OTOGL: variants seen among roughly 807,000 people sequenced by gnomAD.
OTOGL encodes the protein otogelin-like protein.
OTOGL carries 285 observed loss-of-function variants against 318.5 expected under a neutral mutation model. The observed-to-expected ratio is 0.89, with a 90% CI of 0.81 to 0.99. The LOEUF is 0.99. OTOGL is among the 50% of genes least tolerant of loss of function. OTOGL has a pLI of 0.00. For synonymous variants in OTOGL, 987 were observed against 936.5 expected (o/e 1.05, Z -0.99); for missense variants, 2,899 against 2,845.6 (o/e 1.02, Z -0.43).
intron 1 of OTOGL, among the ~76,000 whole-genome samples, chr12:80,148,121 G>A (rs562346179): frequency 0.039 from 5,967 of 151,274 alleles, 156 homozygotes; most frequent in South Asian, 0.088. Flanking sequence ...GATTTTGCTC[G>A]TTAGTTGATG....
intron 1 of OTOGL, among the ~76,000 whole-genome samples, chr12:80,125,267 A>G (rs1411547130): frequency 1.3e-5 from 2 of 152,200 alleles, no homozygotes; most frequent in African/African-American, 4.8e-5. Flanking sequence ...AATTTTGTCA[A>G]AGGCCTTTTC....
intron 58 of OTOGL, among the ~76,000 whole-genome samples, 167 bp downstream of exon 58, chr12:80,377,369 G>C (rs1891226443): frequency 6.6e-6 from 1 of 152,118 alleles, no homozygotes. Flanking sequence ...GAAGAAGTAT[G>C]AATTATTCTT....
At chr12:80,292,182 T>G (rs943469723) in intron 26 of OTOGL, among the ~76,000 whole-genome samples, 13 of 152,058 alleles carry the variant, frequency 8.5e-5, no homozygotes, top group African/African-American at 3.1e-4. Context: ...GAGACGGGGT[T>G]TCTCCATGTT....
intron 7 of OTOGL, among the ~76,000 whole-genome samples, chr12:80,228,318 T>C (rs955998957): frequency 1.5e-4 from 23 of 152,124 alleles, no homozygotes; most frequent in East Asian, 7.7e-4. Context: ...GGTACACGCC[T>C]ATAGCCCCAG....
chr12:80,330,347 T>G (rs1887991432), intron 37 of OTOGL, among the ~76,000 whole-genome samples: 1 of 152,086 alleles, frequency 6.6e-6, no homozygotes, highest in Non-Finnish European at 1.5e-5. Flanking sequence ...ACGAGAGAGG[T>G]TTACCCTTCT....
In OTOGL at chr12:80,380,042, G is replaced by C. The variant is rs551222031; in HGVS notation, c.*1994G>C. The C allele has an allele frequency of 2.6e-5, 4 of 152,130 alleles. No individual in the cohort carries two copies. Among genetic ancestry groups the C allele is most frequent in the Admixed American group, 6.5e-5 (1 of 15,274 alleles). The allele number at this position is 152,130 out of a possible 1,614,324, so 9.4% of individuals were successfully genotyped here. On this transcript the variant is annotated 3_prime_UTR_variant, in exon 59 of 59. Transcript: ENST00000547103. ...GAAATCAGTGGAAGAGTGCAAATTA[G>C]CTCTTAATAAATGGTGTTGGGACAA...
At chr12:80,312,393 T>G (rs1886694134) in intron 30 of OTOGL, among the ~76,000 whole-genome samples, 1 of 152,188 alleles carries the variant, frequency 6.6e-6, no homozygotes, top group Non-Finnish European at 1.5e-5. Flanking sequence ...ATATAAATAT[T>G]TTTCAATAAA....
chr12:80,105,220 C>T (rs1179865530), intron 1 of OTOGL, among the ~76,000 whole-genome samples: 1 of 152,056 alleles, frequency 6.6e-6, no homozygotes, highest in Non-Finnish European at 1.5e-5. Flanking sequence ...ATTCTAAGAA[C>T]ATAAACAATA....
chr12:80,305,675 G>C lies in OTOGL; in HGVS notation c.3313G>C (p.Asp1105His). 1 of 1,569,888 alleles carries C rather than the reference G, an allele frequency of 6.4e-7. No homozygotes were observed. Among genetic ancestry groups the C allele is most frequent in the Non-Finnish European group, 8.6e-7 (1 of 1,168,666 alleles). Residue 1105 changes from aspartate to histidine, a missense_variant, in exon 29 of 59, where the codon GAT (aspartate) becomes CAT (histidine). Transcript: ENST00000547103. ...AGTGAGAAATGCTCGGGTATTTGGA[G>C]ATAGTTGGGCATTAGGACAGGTAAG... Reference protein sequence around the residue: ...LEVRNARVFGDSWALGQCESP... With the variant: ...LEVRNARVFGHSWALGQCESP...
intron 26 of OTOGL, among the ~76,000 whole-genome samples, chr12:80,286,021 C>A (rs1344950701): frequency 6.6e-6 from 1 of 152,104 alleles, no homozygotes. Context: ...TCATAAATAG[C>A]ATTTATTATT....
intron 29 of OTOGL, among the ~76,000 whole-genome samples, chr12:80,306,116 G>A (rs564067804): frequency 6.6e-5 from 10 of 152,280 alleles, no homozygotes; most frequent in African/African-American, 2.4e-4. Context: ...CCATGTTACT[G>A]TATTACATGA....
Position 80,313,410 on chromosome 12 carries a change from G to A in OTOGL, c.3451-66G>A. 4.9e-6 allele frequency: 7 copies of A among 1,443,106 alleles called. No individual in the cohort carries two copies. In the South Asian group the frequency reaches 7.3e-5, roughly 15 times the overall value. The allele number at this position is 1,443,106 out of a possible 1,614,324, so 89.4% of individuals were successfully genotyped here. On this transcript the variant is annotated intron_variant, in intron 30 of 58. Transcript: ENST00000547103. ...AACTTTGAAAACACATAGTTTTTTA[G>A]ACGGTTGACTTTAAATCATAATCAG...
chr12:80,111,206 T>C (rs1484287983), intron 1 of OTOGL, among the ~76,000 whole-genome samples: 3 of 152,244 alleles, frequency 2.0e-5, no homozygotes, highest in Non-Finnish European at 4.4e-5. Context: ...GTAGGTTGCC[T>C]GTTCACTCCA....
At position 80,266,586 on chromosome 12, in the gene OTOGL, A is replaced by G; in HGVS notation, c.2360A>G (p.Tyr787Cys). ...TGTAATTGTCCGGAAGGCAAATTCT[A>G]TGAAGACACTCTTAACTTTTGTGTA... is the stretch of plus-strand genomic sequence containing the variant. ...EGCNCPEGKF[Y>C]EDTLNFCVPI... Residue 787 changes from tyrosine to cysteine, a missense_variant, in exon 21 of 59, where the codon TAT (tyrosine) becomes TGT (cysteine). Physicochemically the swap from Tyr to Cys is radical, Grantham distance 194. Transcript: ENST00000547103. 1.9e-6 allele frequency: 3 copies of G among 1,613,536 alleles called. No individual in the cohort carries two copies. The highest frequency in any genetic ancestry group is 2.5e-6 in the Non-Finnish European group (3 of 1,179,718).
chr12:80,349,201 G>A (rs1003167418), intron 44 of OTOGL, among the ~76,000 whole-genome samples: 1 of 152,040 alleles, frequency 6.6e-6, no homozygotes, highest in Non-Finnish European at 1.5e-5. Context: ...GATAAGTTGA[G>A]GCCAGAGATC....
intron 1 of OTOGL, among the ~76,000 whole-genome samples, chr12:80,116,299 G>A (rs975218773): frequency 1.3e-5 from 2 of 151,966 alleles, no homozygotes; most frequent in African/African-American, 4.8e-5. Context: ...CTTGGATAGG[G>A]GAGAGAGTTC....
intron 1 of OTOGL, among the ~76,000 whole-genome samples, chr12:80,199,603 C>A (rs954929704): frequency 6.6e-6 from 1 of 151,998 alleles, no homozygotes. Flanking sequence ...GAATTCATAC[C>A]ATCTAATGTA....
intron 1 of OTOGL, among the ~76,000 whole-genome samples, chr12:80,146,372 G>A (rs1307571691): frequency 2.0e-5 from 3 of 149,586 alleles, no homozygotes; most frequent in Admixed American, 6.6e-5. Flanking sequence ...ATTGATTTGC[G>A]TATATTGAAC....
intron 35 of OTOGL, among the ~76,000 whole-genome samples, chr12:80,324,380 T>C (rs1887546859): frequency 6.6e-6 from 1 of 152,138 alleles, no homozygotes; most frequent in Non-Finnish European, 1.5e-5. Context: ...ATGTGTTTGG[T>C]GTGTTCGAGG....
Sources: gnomAD v4.1 joint callset for allele counts (sites outside exome capture counted in the v4.1 genomes callset) on GRCh38, gnomAD v4.1.1 for gene constraint, MANE v1.5 for transcripts, NCBI Gene and HGNC (gene_info 2026-07-23, HGNC 2026-07-21) for gene names.